PLPPR1: variants seen among roughly 807,000 people sequenced by gnomAD.
The protein encoded by PLPPR1 is phospholipid phosphatase related 1, also known as phospholipid phosphatase-related protein type 1.
In PLPPR1, 10 loss-of-function variants were observed where a neutral mutation model predicts 33.1. The ratio of observed to expected loss-of-function variants is 0.30; its 90% CI spans 0.19 to 0.51. PLPPR1 has a LOEUF of 0.51. PLPPR1 is among the 20% of genes least tolerant of loss of function. The pLI is 0.97. For synonymous variants in PLPPR1, 151 were observed against 151.0 expected (o/e 1.00, Z 0.00); for missense variants, 304 against 408.1 (o/e 0.74, Z 2.20).
Position 101,190,849 on chromosome 9 carries a change from G to A in PLPPR1, c.63+5292G>A, listed in dbSNP as rs954504233. 3.3e-5 allele frequency among the ~76,000 whole-genome samples: 5 copies of A among 152,174 alleles called. No individual in the cohort carries two copies. In the South Asian group the frequency reaches 1.0e-3, roughly 31 times the overall value. On this transcript the variant is annotated intron_variant, in intron 2 of 7. Transcript: ENST00000374874. ...TGTAGATTACAAGAGCACCTACAGG[G>A]AAAAGCTGAAAGGGAGAGGATTAAC...
intron 1 of PLPPR1, among the ~76,000 whole-genome samples, chr9:101,097,936 T>C (rs1237224239): frequency 6.6e-6 from 1 of 152,120 alleles, no homozygotes; most frequent in East Asian, 1.9e-4. Flanking sequence ...ATAATGAAAA[T>C]ACGAGGAGTA....
intron 1 of PLPPR1, among the ~76,000 whole-genome samples, chr9:101,074,806 A>C (rs1830517823): frequency 6.6e-6 from 1 of 152,162 alleles, no homozygotes. Context: ...AATAATTTCA[A>C]ATAATAGAAA....
intron 1 of PLPPR1, among the ~76,000 whole-genome samples, chr9:101,108,258 C>A (rs1178388557): frequency 2.6e-5 from 4 of 152,148 alleles, no homozygotes; most frequent in African/African-American, 7.2e-5. Context: ...TTAAAAGAGA[C>A]TTGAATCAGG....
chr9:101,305,333 G>A (rs1471583089), intron 4 of PLPPR1, among the ~76,000 whole-genome samples: 1 of 152,116 alleles, frequency 6.6e-6, no homozygotes, highest in Non-Finnish European at 1.5e-5. Flanking sequence ...CCTCCCTTCA[G>A]TTTGGTGTCA....
At chr9:101,173,067 T>A (rs2118693519) in intron 1 of PLPPR1, among the ~76,000 whole-genome samples, 1 of 152,112 alleles carries the variant, frequency 6.6e-6, no homozygotes, top group Middle Eastern at 3.4e-3. Flanking sequence ...GAGGCCCCAA[T>A]CCCTAGGATA....
chr9:101,296,689 C>T (rs906917793), intron 4 of PLPPR1, among the ~76,000 whole-genome samples: 6 of 152,044 alleles, frequency 3.9e-5, no homozygotes, highest in Admixed American at 6.5e-5. Flanking sequence ...AGTAAACTGT[C>T]GCAAGAACAA....
At chr9:101,181,111 C>CAGATATATATT (rs1826102334) in intron 1 of PLPPR1, among the ~76,000 whole-genome samples, 1 of 147,430 alleles carries the variant, frequency 6.8e-6, no homozygotes, top group Admixed American at 6.8e-5. Context: ...AAATGGCCAA[C>CAGATATATATT]AGATATATAT....
At position 101,160,970 on chromosome 9, in the gene PLPPR1, G is replaced by A. The variant is rs1302898083; in HGVS notation, c.-45-24480G>A. On this transcript the variant is annotated intron_variant, in intron 1 of 7. Coordinates refer to ENST00000374874, the MANE Select transcript of PLPPR1 (RefSeq NM_207299.2). ...AGCTATTAAAGCTGTCCTTGAAAAA[G>A]AATATCTCTCAGTTTCCTTCAAGAT... 4.6e-5 allele frequency among the ~76,000 whole-genome samples: 7 copies of A among 152,234 alleles called. No individual in the cohort carries two copies. In the East Asian group the frequency reaches 1.4e-3, roughly 29 times the overall value.
rs1277391603 is a variant in PLPPR1, at chr9:101,237,518, T to C, written c.64-32362T>C. 4.0e-5 allele frequency among the ~76,000 whole-genome samples: 6 copies of C among 151,024 alleles called. No individual in the cohort carries two copies. The East Asian group carries it at 1.2e-3, about 30-fold the overall frequency. ...CACATTAAACACAGATACACATCTA[T>C]AAATTTCTCTGATTTAAGTCTCTTT... On this transcript the variant is annotated intron_variant, in intron 2 of 7. Coordinates refer to ENST00000374874, the MANE Select transcript of PLPPR1 (RefSeq NM_207299.2).
chr9:101,144,449 G>T (rs1831497465), intron 1 of PLPPR1, among the ~76,000 whole-genome samples: 1 of 152,116 alleles, frequency 6.6e-6, no homozygotes, highest in Non-Finnish European at 1.5e-5. Flanking sequence ...GGTCATTGGA[G>T]TCAGCCCTAA....
intron 3 of PLPPR1, among the ~76,000 whole-genome samples, chr9:101,279,606 T>A (rs1395956268): frequency 6.6e-6 from 1 of 152,186 alleles, no homozygotes; most frequent in Admixed American, 6.5e-5. Context: ...CAAAAAATAG[T>A]CATATCAAGT....
At position 101,290,507 on chromosome 9, in the gene PLPPR1, T is replaced by C. The variant is rs556081862; in HGVS notation, c.385+4271T>C. On this transcript the variant is annotated intron_variant, in intron 4 of 7. Transcript: ENST00000374874. ...TAATACAATTCTGGTTAAATTGATA[T>C]TTAACCCTTTCTGCATTGCAATTTG... is the stretch of plus-strand genomic sequence containing the variant. Among the ~76,000 whole-genome samples the C allele has an allele frequency of 4.6e-5, 7 of 152,340 alleles. No individual in the cohort carries two copies. In the South Asian group the frequency reaches 1.0e-3, roughly 23 times the overall value.
chr9:101,109,386 T>A (rs898313591), intron 1 of PLPPR1, among the ~76,000 whole-genome samples: 3 of 152,088 alleles, frequency 2.0e-5, no homozygotes, highest in Non-Finnish European at 4.4e-5. Flanking sequence ...AAACTTAGAT[T>A]TCCCCAAGGG....
chr9:101,313,020 C>A (rs1478780898), intron 6 of PLPPR1, 46 bp downstream of exon 6: 2 of 1,578,112 alleles, frequency 1.3e-6, no homozygotes, highest in Non-Finnish European at 1.7e-6. Context: ...CTTCTACTCT[C>A]TGAAAAACTG....
chr9:101,254,825 A>C (rs570832147), intron 2 of PLPPR1, among the ~76,000 whole-genome samples: 41 of 152,244 alleles, frequency 2.7e-4, no homozygotes, highest in African/African-American at 9.9e-4. Context: ...CAACTTTTTA[A>C]CCAAAAATGA....
At chr9:101,240,853 A>G (rs957031438) in intron 2 of PLPPR1, among the ~76,000 whole-genome samples, 1 of 152,088 alleles carries the variant, frequency 6.6e-6, no homozygotes, top group Non-Finnish European at 1.5e-5. Flanking sequence ...CAGATGTAGA[A>G]TCAGGATCCT....
intron 2 of PLPPR1, among the ~76,000 whole-genome samples, chr9:101,231,435 A>G (rs916780682): frequency 1.3e-5 from 2 of 151,572 alleles, no homozygotes; most frequent in African/African-American, 2.4e-5. Flanking sequence ...GCAGAGATTT[A>G]GCACAAATTC....
intron 1 of PLPPR1, among the ~76,000 whole-genome samples, chr9:101,178,611 C>G (rs1826053198): frequency 6.6e-6 from 1 of 152,168 alleles, no homozygotes; most frequent in Admixed American, 6.5e-5. Flanking sequence ...ATGGAATTCA[C>G]TGGTCTTACC....
chr9:101,299,163 T>TTATC (rs1828701343), intron 4 of PLPPR1, among the ~76,000 whole-genome samples: 1 of 152,200 alleles, frequency 6.6e-6, no homozygotes, highest in African/African-American at 2.4e-5. Flanking sequence ...ATTTCTAGAA[T>TTATC]TCAGCAACAG....
Sources: allele counts gnomAD v4.1 joint callset (sites outside exome capture counted in the v4.1 genomes callset), GRCh38; gene constraint gnomAD v4.1.1; transcripts MANE v1.5; gene names NCBI Gene and HGNC (gene_info 2026-07-23, HGNC 2026-07-21).